CTSB: variants seen among roughly 807,000 people sequenced by gnomAD.
CTSB encodes the protein APP secretase.
Under a neutral mutation model 44.3 loss-of-function variants are expected in CTSB, and 57 were observed. The observed-to-expected ratio is 1.29, with a 90% CI of 1.04 to 1.60. CTSB has a LOEUF of 1.60. Ranked by LOEUF, CTSB falls within the 40% of genes most tolerant of loss-of-function variation. The pLI is 0.00. For missense variants in CTSB, 768 were observed against 443.0 expected (o/e 1.73, Z -6.59); for synonymous variants, 320 against 168.0 (o/e 1.91, Z -7.00).
At chr8:11,848,658 A>G in intron 5 of CTSB, 1 of 305,296 alleles carries the variant, frequency 3.3e-6, no homozygotes. Context: ...TGGAGCAGAA[A>G]GTTCTGTGCC....
intron 4 of CTSB, 93 bp downstream of exon 4, chr8:11,850,773 G>C (rs191692854): frequency 3.8e-6 from 3 of 796,180 alleles, no homozygotes; most frequent in Non-Finnish European, 6.1e-6. Flanking sequence ...AACTTGCCTT[G>C]TCAGAGTTGT....
At chr8:11,850,011 A>G (rs1358166424) in intron 4 of CTSB, 2 of 152,356 alleles carry the variant, frequency 1.3e-5, no homozygotes, top group Admixed American at 6.6e-5. Flanking sequence ...GGGCTACAAT[A>G]TTGGTGTTAA....
intron 6 of CTSB, 25 bp from the exon 7 acceptor site, chr8:11,847,847 A>G: frequency 6.6e-7 from 1 of 1,525,276 alleles, no homozygotes; most frequent in Non-Finnish European, 8.8e-7. Context: ...GAGAAAGCGG[A>G]GTCAACCTAC....
At chr8:11,848,321 T>A in intron 5 of CTSB, 169 bp from the exon 6 acceptor site, 1 of 697,834 alleles carries the variant, frequency 1.4e-6, no homozygotes, top group Non-Finnish European at 2.6e-6. Flanking sequence ...GCTCCCTAGA[T>A]AAGCACAGCT....
Position 11,858,681 on chromosome 8 carries a change from G to C in CTSB, c.-25-5202C>G, listed in dbSNP as rs142029072. Among the ~76,000 whole-genome samples, 852 of 152,294 alleles carry C rather than the reference G, an allele frequency of 5.6e-3. 7 individuals are homozygous for C. The highest frequency in any genetic ancestry group is 0.02 in the African/African-American group (818 of 41,552). ...CCCGAGACTGCTGAGAACTCAAAAA[G>C]TGTCAAGCCAAACACAGAGGTCCTG... is the stretch of plus-strand genomic sequence containing the variant. On this transcript the variant is annotated intron_variant, in intron 1 of 9. Transcript: ENST00000353047.
intron 3 of CTSB, among the ~76,000 whole-genome samples, chr8:11,851,453 G>C (rs996400962): frequency 6.6e-6 from 1 of 152,114 alleles, no homozygotes; most frequent in Admixed American, 6.6e-5. Flanking sequence ...GCCTCCCAAA[G>C]TGCTGGGATT....
chr8:11,858,132 G>C (rs950077540), intron 1 of CTSB, among the ~76,000 whole-genome samples: 1 of 152,182 alleles, frequency 6.6e-6, no homozygotes, highest in African/African-American at 2.4e-5. Flanking sequence ...GAGGACCAAA[G>C]CGCCGGCACA....
At position 11,845,782 on chromosome 8, in the gene CTSB, G is replaced by C; in HGVS notation, c.801C>G (p.Tyr267Ter). 5 of 1,613,302 alleles carry C rather than the reference G, an allele frequency of 3.1e-6. No individual in the cohort carries two copies. The highest frequency in any genetic ancestry group is 4.2e-6 in the Non-Finnish European group (5 of 1,179,504). Residue 267 changes from tyrosine to a stop codon, truncating the protein, a stop_gained, in exon 9 of 10, where the codon TAC becomes TAG. Coordinates refer to ENST00000353047, the MANE Select transcript of CTSB (RefSeq NM_001908.5). LOFTEE classifies it high-confidence loss of function. ...SDFLLYKSGVYQHVTGEMMGG... is the reference protein window; with the variant it reads ...SDFLLYKSGV ...CCATCATCTCTCCGGTGACGTGTTGGTACACTCCTGAAAAGGGAAGAACTG... is the reference window on the plus strand; with the variant it reads ...CCATCATCTCTCCGGTGACGTGTTGCTACACTCCTGAAAAGGGAAGAACTG...
intron 1 of CTSB, among the ~76,000 whole-genome samples, chr8:11,863,233 G>A (rs1044591455): frequency 6.6e-6 from 1 of 152,164 alleles, no homozygotes; most frequent in African/African-American, 2.4e-5. Flanking sequence ...AGCCAAGACA[G>A]GCAGATCATG....
chr8:11,848,056 GAC>G lies in CTSB; in HGVS notation c.532+9_532+10del, dbSNP rs1436084518. 1.2e-6 allele frequency: 2 copies of G among 1,601,242 alleles called. No individual in the cohort carries two copies. Among genetic ancestry groups the G allele is most frequent in the East Asian group, 2.2e-5 (1 of 44,772 alleles). ...CATCTGGCCAGAAAGTGGCCAAGGG[GAC>G]ACACTTACCTACATGGGATTCATAG... On this transcript the variant is annotated intron_variant, in intron 6 of 9. Coordinates refer to ENST00000353047, the MANE Select transcript of CTSB (RefSeq NM_001908.5).
rs1812768221 is a variant in CTSB, at chr8:11,844,079, TAAGC to T, written c.*1042_*1045del. 1 of 152,316 alleles carries T rather than the reference TAAGC, an allele frequency of 6.6e-6. No individual in the cohort carries two copies. Among genetic ancestry groups the T allele is most frequent in the African/African-American group, 2.4e-5 (1 of 41,554 alleles). The allele number at this position is 152,316 out of a possible 1,614,324, so 9.4% of individuals were successfully genotyped here. A position where few individuals can be genotyped will look rare whatever the true frequency, so the allele number is the denominator to read the frequency against. On this transcript the variant is annotated 3_prime_UTR_variant, in exon 10 of 10. Coordinates refer to ENST00000353047, the MANE Select transcript of CTSB (RefSeq NM_001908.5). ...AGAGCACAGCTATGTTTTGAGTTCT[TAAGC>T]AAGGGCAAGCTTACCAGGCACTTAC...
intron 1 of CTSB, among the ~76,000 whole-genome samples, chr8:11,855,901 G>A (rs190688578): frequency 4.6e-5 from 7 of 151,976 alleles, no homozygotes; most frequent in Non-Finnish European, 1.0e-4. Context: ...GCCTGTAATC[G>A]CAGCTACTTG....
rs570759147 is a variant in CTSB at position 11,849,392 on chromosome 8, C to T, written c.328-228G>A. On this transcript the variant is annotated intron_variant, in intron 4 of 9. Transcript: ENST00000353047. ...AACTCCCGGGTTCAAGTGATTTGCC[C>T]ACCTTGGCCTCCCAAAGTGCTGGGA... 51 of 375,150 alleles carry T rather than the reference C, an allele frequency of 1.4e-4. 1 individual carries two copies. The Middle Eastern group carries it at 2.6e-3, about 19-fold the overall frequency. The allele number at this position is 375,150 out of a possible 1,614,324, so 23.2% of individuals were successfully genotyped here.
intron 1 of CTSB, among the ~76,000 whole-genome samples, chr8:11,856,300 G>A (rs897749941): frequency 4.6e-5 from 7 of 151,996 alleles, no homozygotes; most frequent in African/African-American, 1.7e-4. Flanking sequence ...GTTAAATTAC[G>A]GTAAGTGGTT....
chr8:11,853,198 C>T (rs1814915544), intron 2 of CTSB, 131 bp downstream of exon 2: 3 of 1,295,726 alleles, frequency 2.3e-6, no homozygotes, highest in Non-Finnish European at 3.2e-6. Context: ...GACTCAGGGT[C>T]AGGGCCATTT....
intron 5 of CTSB, 90 bp from the exon 6 acceptor site, chr8:11,848,242 C>G (rs750291698): frequency 2.7e-6 from 3 of 1,121,542 alleles, no homozygotes; most frequent in East Asian, 2.4e-5. Flanking sequence ...CGAGGCCACT[C>G]GTGGACCCAC....
In CTSB at chr8:11,843,336, G is replaced by A. The variant is rs1465919231; in HGVS notation, c.*1789C>T. Reference sequence around the variant, plus strand: ...TCAGAGCTTATTTGATCTAGCATCTGGTTCCTAAATTCTGAGTCACATCAG... The same window carrying A: ...TCAGAGCTTATTTGATCTAGCATCTAGTTCCTAAATTCTGAGTCACATCAG... On this transcript the variant is annotated 3_prime_UTR_variant, in exon 10 of 10. Coordinates refer to ENST00000353047, the MANE Select transcript of CTSB (RefSeq NM_001908.5). 1 of 152,270 alleles carries A rather than the reference G, an allele frequency of 6.6e-6. No homozygotes were observed. Among genetic ancestry groups the A allele is most frequent in the South Asian group, 2.1e-4 (1 of 4,820 alleles). The allele number at this position is 152,270 out of a possible 1,614,324, so 9.4% of individuals were successfully genotyped here. A position where few individuals can be genotyped will look rare whatever the true frequency, so the allele number is the denominator to read the frequency against.
Position 11,842,728 on chromosome 8 carries a change from C to A in CTSB, c.*2397G>T, listed in dbSNP as rs1301937519. Reference sequence around the variant, plus strand: ...CTCGGCTCACTGCATCCTCTGCCTCCCAGGTTCAAGCGATTCTCGTACCTC... The same window carrying A: ...CTCGGCTCACTGCATCCTCTGCCTCACAGGTTCAAGCGATTCTCGTACCTC... On this transcript the variant is annotated 3_prime_UTR_variant, in exon 10 of 10. Coordinates refer to ENST00000353047, the MANE Select transcript of CTSB (RefSeq NM_001908.5). 6.6e-6 allele frequency: 1 copy of A among 152,026 alleles called. No homozygotes were observed. The highest frequency in any genetic ancestry group is 2.4e-5 in the African/African-American group (1 of 41,334). The allele number at this position is 152,026 out of a possible 1,614,324, so 9.4% of individuals were successfully genotyped here.
chr8:11,853,375 G>T lies in CTSB; in HGVS notation c.80C>A (p.Ser27Ter), dbSNP rs371316552. ...ARSRPSFHPL[S>*]DELVNYVNKR... Reference sequence around the variant, plus strand: ...GTTGACATAGTTGACCAGCTCATCCGACAGGGGATGGAAAGAGGGCCTGCT... The same window carrying T: ...GTTGACATAGTTGACCAGCTCATCCTACAGGGGATGGAAAGAGGGCCTGCT... The change falls in exon 2 of 10, where the codon TCG (serine) becomes TAG (stop). Residue 27 changes from serine to a stop codon, truncating the protein, a stop_gained. Coordinates refer to ENST00000353047, the MANE Select transcript of CTSB (RefSeq NM_001908.5). LOFTEE classifies it high-confidence loss of function. 2.5e-6 allele frequency: 4 copies of T among 1,613,014 alleles called. No homozygotes were observed. The highest frequency in any genetic ancestry group is 4.5e-5 in the East Asian group (2 of 44,846).
Sources: allele counts gnomAD v4.1 joint callset (sites outside exome capture counted in the v4.1 genomes callset), GRCh38; gene constraint gnomAD v4.1.1; transcripts MANE v1.5; gene names NCBI Gene and HGNC (gene_info 2026-07-23, HGNC 2026-07-21).